Variants in IQCM observed in about 807,000 individuals in gnomAD.
IQCM encodes IQ motif containing M.
IQCM carries 45 observed loss-of-function variants against 57.6 expected under a neutral mutation model. The ratio of observed to expected loss-of-function variants is 0.78; its 90% CI spans 0.62 to 1.00. The LOEUF (loss-of-function observed/expected upper bound fraction) is 1.00, where lower values mean the gene tolerates loss of function less well. Among genes scored for constraint, IQCM ranks in the 50% least tolerant of loss-of-function variants. The pLI, the probability that IQCM is intolerant of heterozygous loss-of-function variation, is 0.00. For synonymous variants in IQCM, 148 were observed against 158.9 expected (o/e 0.93, Z 0.51); for missense variants, 468 against 511.6 (o/e 0.91, Z 0.82).
chr4:149,788,448 G>A lies in IQCM; in HGVS notation c.-49+26863C>T, dbSNP rs148903576. Among the ~76,000 whole-genome samples the A allele has an allele frequency of 5.6e-3, 854 of 152,124 alleles. 2 individuals carry two copies. Among genetic ancestry groups the A allele is most frequent in the Middle Eastern group, 0.02 (6 of 294 alleles). On this transcript the variant is annotated intron_variant, in intron 2 of 13. Transcript: ENST00000636793. ...TTAATCAAAACCACAACTGAATATC[G>A]TCTTACCCTAGTTAGAACGGCTACT...
At chr4:149,402,824 C>CA (rs113672188) in intron 13 of IQCM, among the ~76,000 whole-genome samples, 3,561 of 151,776 alleles carry the variant, frequency 0.023, 115 homozygotes, top group African/African-American at 0.071. Flanking sequence ...AGCAGTTTCA[C>CA]AAAAAAGGTT....
At chr4:149,522,083 G>A (rs1227668784) in intron 12 of IQCM, among the ~76,000 whole-genome samples, 2 of 152,168 alleles carry the variant, frequency 1.3e-5, no homozygotes, top group Non-Finnish European at 1.5e-5. Context: ...TGTTACAGGG[G>A]AGCCAGCAGA....
chr4:149,658,476 G>A (rs1227077904), intron 7 of IQCM, among the ~76,000 whole-genome samples: 1 of 151,670 alleles, frequency 6.6e-6, no homozygotes, highest in Non-Finnish European at 1.5e-5. Context: ...AGACTGTCTT[G>A]GCTTTTGGGG....
chr4:149,727,820 G>A (rs1302652492), intron 5 of IQCM, among the ~76,000 whole-genome samples: 1 of 152,148 alleles, frequency 6.6e-6, no homozygotes, highest in Non-Finnish European at 1.5e-5. Flanking sequence ...GAGCCCAAGA[G>A]GATTTCAGGT....
At chr4:149,455,435 T>TTC (rs1205336192) in intron 12 of IQCM, among the ~76,000 whole-genome samples, 5 of 152,056 alleles carry the variant, frequency 3.3e-5, no homozygotes, top group Admixed American at 6.6e-5. Flanking sequence ...TGGTAGAACA[T>TTC]ATGACTGTTC....
intron 12 of IQCM, among the ~76,000 whole-genome samples, chr4:149,451,112 C>A (rs1737070656): frequency 6.6e-6 from 1 of 151,652 alleles, no homozygotes; most frequent in Non-Finnish European, 1.5e-5. Context: ...CATGTTCTTA[C>A]TTAGTTGTGG....
intron 7 of IQCM, among the ~76,000 whole-genome samples, chr4:149,674,375 A>G (rs1761570752): frequency 6.6e-6 from 1 of 152,202 alleles, no homozygotes; most frequent in African/African-American, 2.4e-5. Flanking sequence ...AGGATTTAGT[A>G]TGAACAAATC....
chr4:149,642,808 C>A (rs1272344082), intron 7 of IQCM, among the ~76,000 whole-genome samples: 1 of 152,126 alleles, frequency 6.6e-6, no homozygotes, highest in African/African-American at 2.4e-5. Flanking sequence ...AACAAGTCTA[C>A]TGGTTCATAA....
chr4:149,656,867 T>C (rs1465948176), intron 7 of IQCM, among the ~76,000 whole-genome samples: 1 of 152,172 alleles, frequency 6.6e-6, no homozygotes, highest in Admixed American at 6.6e-5. Flanking sequence ...CAAATTTGTA[T>C]AGCCAGTGTG....
intron 3 of IQCM, among the ~76,000 whole-genome samples, chr4:149,736,388 A>C (rs528263349): frequency 6.6e-6 from 1 of 152,316 alleles, no homozygotes; most frequent in South Asian, 2.1e-4. Context: ...TTGCTTCAGC[A>C]GCACAAATAC....
chr4:149,574,026 TGAAA>T (rs1219667171), intron 9 of IQCM, among the ~76,000 whole-genome samples: 2 of 151,880 alleles, frequency 1.3e-5, no homozygotes, highest in East Asian at 1.9e-4. Context: ...TCAGGAGTAT[TGAAA>T]GATACAGCCA....
intron 13 of IQCM, among the ~76,000 whole-genome samples, chr4:149,359,517 A>T (rs918916012): frequency 1.3e-5 from 2 of 152,180 alleles, no homozygotes; most frequent in African/African-American, 4.8e-5. Context: ...TAATTAGGAA[A>T]TAATTAGAAA....
intron 9 of IQCM, among the ~76,000 whole-genome samples, chr4:149,566,151 C>A (rs1326675032): frequency 3.9e-5 from 6 of 152,062 alleles, no homozygotes; most frequent in African/African-American, 1.4e-4. Context: ...ATGTATGAGA[C>A]CAAGTGGAAT....
intron 12 of IQCM, among the ~76,000 whole-genome samples, chr4:149,496,731 T>C (rs1242609685): frequency 1.3e-5 from 2 of 152,168 alleles, no homozygotes; most frequent in African/African-American, 2.4e-5. Context: ...AGCCATTATG[T>C]TTGTAGTAAC....
chr4:149,561,089 G>A (rs955395595), intron 10 of IQCM, among the ~76,000 whole-genome samples: 5 of 152,070 alleles, frequency 3.3e-5, no homozygotes, highest in Non-Finnish European at 5.9e-5. Context: ...CCATGCCAAT[G>A]ATGGAATAAA....
At chr4:149,554,442 G>T (rs1328569541) in intron 10 of IQCM, among the ~76,000 whole-genome samples, 1 of 151,754 alleles carries the variant, frequency 6.6e-6, no homozygotes, top group Admixed American at 6.6e-5. Context: ...TCAGCCCCTG[G>T]AGTAGCTGGG....
intron 12 of IQCM, among the ~76,000 whole-genome samples, chr4:149,472,168 A>G (rs1045717221): frequency 1.3e-5 from 2 of 152,196 alleles, no homozygotes; most frequent in African/African-American, 4.8e-5. Context: ...TTAGGAAAAG[A>G]GAAAGTCAAA....
chr4:149,647,931 T>C (rs1453850063), intron 7 of IQCM, among the ~76,000 whole-genome samples: 1 of 152,138 alleles, frequency 6.6e-6, no homozygotes, highest in East Asian at 1.9e-4. Context: ...ACCTACTCTT[T>C]TGTATTTCTT....
intron 2 of IQCM, among the ~76,000 whole-genome samples, chr4:149,812,509 C>G (rs201793475): frequency 0.019 from 2,710 of 146,058 alleles, 79 homozygotes; most frequent in African/African-American, 0.057. Flanking sequence ...CACAGACACA[C>G]ACACACACAC....
Sources: gnomAD v4.1 joint callset for allele counts (sites outside exome capture counted in the v4.1 genomes callset) on GRCh38, gnomAD v4.1.1 for gene constraint, MANE v1.5 for transcripts, NCBI Gene and HGNC (gene_info 2026-07-23, HGNC 2026-07-21) for gene names.